ZNF215: variants seen among roughly 807,000 people sequenced by gnomAD.
ZNF215 encodes BWSCR2-associated zinc finger protein 2.
ZNF215 carries 24 observed loss-of-function variants against 27.2 expected under a neutral mutation model. That is an observed-to-expected ratio of 0.88 (90% CI 0.64 to 1.24). The LOEUF is 1.24. ZNF215 is among the 50% of genes most tolerant of loss of function. The probability of loss-of-function intolerance (pLI) is 0.00; values close to 1 mark genes in which losing one functional copy is unlikely to be tolerated. For missense variants in ZNF215, 675 were observed against 605.7 expected (o/e 1.11, Z -1.20); for synonymous variants, 210 against 204.0 (o/e 1.03, Z -0.25).
intron 6 of ZNF215, among the ~76,000 whole-genome samples, chr11:6,946,680 T>C (rs1309954976): frequency 6.6e-6 from 1 of 152,232 alleles, no homozygotes; most frequent in Non-Finnish European, 1.5e-5. Flanking sequence ...TTTTCAGTTG[T>C]ACGCTTGTGC....
chr11:6,979,872 T>C (rs948164220), intron 5 of ZNF215, among the ~76,000 whole-genome samples: 2 of 152,120 alleles, frequency 1.3e-5, no homozygotes, highest in African/African-American at 4.8e-5. Flanking sequence ...ACGTGACAGC[T>C]ATAAACGTGA....
In ZNF215 at chr11:6,956,638, T is replaced by C; in HGVS notation, c.*107T>C. ...TGAATATAATGTAAGAAAACATTTG[T>C]CAGATTTTTCTTTAAATGATATCAC... On this transcript the variant is annotated 3_prime_UTR_variant, in exon 7 of 7. Coordinates refer to ENST00000278319, the MANE Select transcript of ZNF215 (RefSeq NM_013250.4). 1.4e-6 allele frequency: 2 copies of C among 1,417,076 alleles called. No homozygotes were observed. The highest frequency in any genetic ancestry group is 1.8e-6 in the Non-Finnish European group (2 of 1,091,694). The allele number at this position is 1,417,076 out of a possible 1,614,324, so 87.8% of individuals were successfully genotyped here.
intron 6 of ZNF215, among the ~76,000 whole-genome samples, chr11:6,952,029 T>G (rs982888772): frequency 1.9e-4 from 29 of 152,356 alleles, no homozygotes; most frequent in African/African-American, 6.7e-4. Context: ...TTAGTTTCCA[T>G]GTAGTTGAGT....
chr11:6,975,609 G>C (rs2133343734), intron 5 of ZNF215, among the ~76,000 whole-genome samples: 1 of 152,056 alleles, frequency 6.6e-6, no homozygotes, highest in African/African-American at 2.4e-5. Flanking sequence ...ACAAATAAGT[G>C]GGAACATGTG....
intron 5 of ZNF215, among the ~76,000 whole-genome samples, chr11:6,982,293 C>G (rs1194607909): frequency 6.6e-6 from 1 of 151,972 alleles, no homozygotes; most frequent in Non-Finnish European, 1.5e-5. Context: ...CTTAGACTCC[C>G]ACACAATAAT....
At chr11:6,988,964 C>T (rs1483260058), downstream of ZNF215, 1 of 151,880 alleles carries the variant, frequency 6.6e-6, no homozygotes, top group East Asian at 1.9e-4. Context: ...TGAGACCAGC[C>T]TGGCCAACAT....
At chr11:6,965,505 A>G (rs1850601021) in intron 5 of ZNF215, among the ~76,000 whole-genome samples, 1 of 152,122 alleles carries the variant, frequency 6.6e-6, no homozygotes, top group Non-Finnish European at 1.5e-5. Flanking sequence ...CTAAAGATCA[A>G]TTTTGGGAAA....
At position 6,932,582 on chromosome 11, in the gene ZNF215, G is replaced by T. The variant is rs1310351710; in HGVS notation, c.310G>T (p.Val104Phe). The T allele has an allele frequency of 7.4e-6, 12 of 1,614,088 alleles. No individual in the cohort carries two copies. Among genetic ancestry groups the T allele is most frequent in the African/African-American group, 1.3e-5 (1 of 74,928 alleles). ...ATTCCTGGCAATCCTGCCTGAAGAA[G>T]TCAGGACTTGGGTGAATTTACAACA... ...EQFLAILPEE[V>F]RTWVNLQHPN... The change falls in exon 3 of 7, where the codon GTC becomes TTC. Residue 104 changes from valine (V) to phenylalanine (F), a missense_variant. Physicochemically the swap from Val to Phe is conservative, Grantham distance 50. Transcript: ENST00000278319.
At chr11:6,993,050 T>C (rs1389014829), downstream of ZNF215, among the ~76,000 whole-genome samples, 2 of 152,242 alleles carry the variant, frequency 1.3e-5, no homozygotes, top group Non-Finnish European at 2.9e-5. Flanking sequence ...ACTTATGCAC[T>C]AAAATGCCAC....
chr11:6,939,063 G>T (rs912287774), intron 3 of ZNF215, among the ~76,000 whole-genome samples: 2 of 152,150 alleles, frequency 1.3e-5, no homozygotes, highest in African/African-American at 2.4e-5. Context: ...AAATTGAAAG[G>T]ATAGGAAGAT....
At chr11:6,950,926 A>T (rs1471084336) in intron 6 of ZNF215, among the ~76,000 whole-genome samples, 1 of 152,030 alleles carries the variant, frequency 6.6e-6, no homozygotes, top group African/African-American at 2.4e-5. Context: ...TAATTTATTG[A>T]GAGTTTTTAG....
downstream of ZNF215, among the ~76,000 whole-genome samples, chr11:6,960,841 A>C (rs1462275666): frequency 2.0e-5 from 3 of 152,142 alleles, no homozygotes; most frequent in African/African-American, 7.2e-5. Flanking sequence ...TTCTTTTTCA[A>C]AATATCTTTA....
intron 5 of ZNF215, among the ~76,000 whole-genome samples, chr11:6,973,229 T>A (rs1384414831): frequency 6.6e-6 from 1 of 152,022 alleles, no homozygotes; most frequent in Non-Finnish European, 1.5e-5. Context: ...CATGAACTCA[T>A]CATTTTTTAT....
intron 6 of ZNF215, among the ~76,000 whole-genome samples, chr11:6,952,595 TCCTC>T (rs1184047713): frequency 6.6e-6 from 1 of 151,948 alleles, no homozygotes; most frequent in Non-Finnish European, 1.5e-5. Flanking sequence ...CGGTAGATCT[TCCTC>T]CATCCTTTTA....
At chr11:6,988,443 TA>T, downstream of ZNF215, 1 of 183,772 alleles carries the variant, frequency 5.4e-6, no homozygotes, top group Non-Finnish European at 1.0e-5. Flanking sequence ...CCTAAACTCC[TA>T]ATTTAGAACA....
At chr11:6,969,586 TA>T (rs5789492) in intron 5 of ZNF215, among the ~76,000 whole-genome samples, 130,667 of 151,588 alleles carry the variant, frequency 0.86, 56,561 homozygotes, top group Middle Eastern at 0.94. Context: ...TGAAAATAGC[TA>T]AAAAAAAAAT....
At chr11:6,930,329 T>C (rs1590042885) in intron 2 of ZNF215, among the ~76,000 whole-genome samples, 1 of 152,342 alleles carries the variant, frequency 6.6e-6, no homozygotes, top group East Asian at 1.9e-4. Flanking sequence ...AATGTGTGTT[T>C]ATACTAATTT....
chr11:6,956,036 A>C lies in ZNF215; in HGVS notation c.1059A>C (p.Ser353=). ...FNLDSVGKQH[S]EYEYGNDLSL... is the part of the protein sequence containing the mutation. Reference sequence around the variant, plus strand: ...TAGACTCAGTAGGTAAGCAACATTCAGAATATGAATATGGGAATGACTTGA... The same window carrying C: ...TAGACTCAGTAGGTAAGCAACATTCCGAATATGAATATGGGAATGACTTGA... The change falls in exon 7 of 7, where the codon TCA becomes TCC. Residue 353 remains serine, a synonymous_variant. Coordinates refer to ENST00000278319, the MANE Select transcript of ZNF215 (RefSeq NM_013250.4). 3 of 1,608,546 alleles carry C rather than the reference A, an allele frequency of 1.9e-6. 1 individual carries two copies. The South Asian group carries it at 3.4e-5, about 18-fold the overall frequency.
At chr11:6,975,575 C>T (rs572959505) in intron 5 of ZNF215, among the ~76,000 whole-genome samples, 17 of 152,128 alleles carry the variant, frequency 1.1e-4, no homozygotes, top group African/African-American at 3.9e-4. Context: ...TCCGTGAGTT[C>T]AATTGTTTTA....
Sources: gnomAD v4.1 joint callset for allele counts (sites outside exome capture counted in the v4.1 genomes callset) on GRCh38, gnomAD v4.1.1 for gene constraint, MANE v1.5 for transcripts, NCBI Gene and HGNC (gene_info 2026-07-23, HGNC 2026-07-21) for gene names.